The following N4BP1 variants were observed in gnomAD, a reference collection of about 807,000 sequenced individuals.
N4BP1 encodes the protein NEDD4-binding protein 1.
N4BP1 carries 21 observed loss-of-function variants against 70.9 expected under a neutral mutation model. The ratio of observed to expected loss-of-function variants is 0.30; its 90% confidence interval spans 0.21 to 0.43. The LOEUF (loss-of-function observed/expected upper bound fraction) is 0.43. Ranked by LOEUF, N4BP1 falls within the 20% of genes least tolerant of loss-of-function variation. The pLI, the probability that N4BP1 is intolerant of heterozygous loss-of-function variation, is 1.00. For missense variants in N4BP1, 936 were observed against 1,069.4 expected, an observed-to-expected ratio of 0.88 and a Z score of 1.74; for synonymous variants, 387 against 394.6, an observed-to-expected ratio of 0.98 and a Z score of 0.23.
At chr16:48,554,316 A>ACT (rs895562078) in intron 2 of N4BP1, among the ~76,000 whole-genome samples, 41 of 152,348 alleles carry the variant, frequency 2.7e-4, no homozygotes, top group African/African-American at 9.4e-4. Context: ...AGCCACAGAT[A>ACT]ACTGTAAGTG....
intron 1 of N4BP1, among the ~76,000 whole-genome samples, chr16:48,570,471 T>A (rs1964000539): frequency 6.6e-6 from 1 of 152,096 alleles, no homozygotes; most frequent in African/African-American, 2.4e-5. Context: ...CACAGCCTCC[T>A]GGGTAGCTGG....
chr16:48,542,281 C>T lies in N4BP1; in HGVS notation c.*623G>A, dbSNP rs55950580. 1 of 152,630 alleles carries T rather than the reference C, an allele frequency of 6.6e-6. No individual in the cohort carries two copies. Among genetic ancestry groups the T allele is most frequent in the East Asian group, 1.9e-4 (1 of 5,192 alleles). The allele number at this position is 152,630 out of a possible 1,614,324, so 9.5% of individuals were successfully genotyped here. A position where few individuals can be genotyped will look rare whatever the true frequency, so the allele number is the denominator to read the frequency against. ...CACGATGTCTTCTAGCCCTGGTATTCTGTGAGACTAACTTCGCCCTGGTCA... is the reference window on the plus strand; with the variant it reads ...CACGATGTCTTCTAGCCCTGGTATTTTGTGAGACTAACTTCGCCCTGGTCA... On this transcript the variant is annotated 3_prime_UTR_variant, in exon 7 of 7. Transcript: ENST00000262384.
rs780805094 is a variant in N4BP1, at chr16:48,546,213, G to A, written c.2267C>T (p.Pro756Leu). 3.1e-6 allele frequency: 5 copies of A among 1,612,574 alleles called. No homozygotes were observed. In the South Asian group the frequency reaches 4.4e-5, roughly 14 times the overall value. Residue 756 changes from proline (P) to leucine (L), a missense_variant, in exon 6 of 7, where the codon CCC becomes CTC. By Grantham distance (98) the Pro-to-Leu change is moderately conservative. This residue lies in a region of N4BP1 where 229 missense variants were observed against 343.5 expected (regional missense o/e 0.67). Coordinates refer to ENST00000262384, the MANE Select transcript of N4BP1 (RefSeq NM_153029.4). ...YTFVGDIFMV[P>L]DDPLGRSGPR... ...TCCACTTCTTCCCAGAGGATCATCG[G>A]GAACCATAAATATGTCCCCCACGAA...
At chr16:48,604,899 C>T (rs1964555738) in intron 1 of N4BP1, among the ~76,000 whole-genome samples, 1 of 152,186 alleles carries the variant, frequency 6.6e-6, no homozygotes, top group African/African-American at 2.4e-5. Context: ...TGGGAAGCTG[C>T]CCTCTCCAAA....
chr16:48,604,692 T>G (rs1298238531), intron 1 of N4BP1, among the ~76,000 whole-genome samples: 2 of 152,164 alleles, frequency 1.3e-5, no homozygotes, highest in African/African-American at 4.8e-5. Flanking sequence ...CATATAACTG[T>G]TTTTTTAAAA....
intron 1 of N4BP1, among the ~76,000 whole-genome samples, chr16:48,608,983 G>C (rs1167001519): frequency 6.6e-6 from 1 of 151,334 alleles, no homozygotes; most frequent in East Asian, 1.9e-4. Context: ...GGGTGACCGA[G>C]ATGGGAGGAT....
chr16:48,546,305 G>T (rs1358248144), intron 5 of N4BP1, 51 bp from the exon 6 acceptor site: 1 of 1,341,924 alleles, frequency 7.5e-7, no homozygotes, highest in Non-Finnish European at 1.0e-6. Flanking sequence ...CACTGCCCAG[G>T]GCCTGCGTAA....
intron 2 of N4BP1, among the ~76,000 whole-genome samples, chr16:48,554,703 T>A (rs3785138): frequency 6.6e-6 from 1 of 152,026 alleles, no homozygotes; most frequent in African/African-American, 2.4e-5. Flanking sequence ...CTTCTCTCCA[T>A]GTCTAATGCT....
chr16:48,542,867 C>T lies in N4BP1; in HGVS notation c.*37G>A. 6.5e-7 allele frequency: 1 copy of T among 1,541,042 alleles called. No homozygotes were observed. Among genetic ancestry groups the T allele is most frequent in the Non-Finnish European group, 8.8e-7 (1 of 1,130,436 alleles). On this transcript the variant is annotated 3_prime_UTR_variant, in exon 7 of 7. Transcript: ENST00000262384. ...CAGGTGTGAGCTTGAGTTTGATCAG[C>T]CAGCCCTGAGCGCAAGCTCAGCGCT...
At chr16:48,545,889 T>C (rs1963584097) in intron 6 of N4BP1, among the ~76,000 whole-genome samples, 1 of 151,926 alleles carries the variant, frequency 6.6e-6, no homozygotes, top group South Asian at 2.1e-4. Context: ...GAGCTGGGCA[T>C]GGTGGTATGC....
chr16:48,603,793 A>T (rs1964536854), intron 1 of N4BP1: 2 of 151,970 alleles, frequency 1.3e-5, no homozygotes, highest in Non-Finnish European at 1.5e-5. Context: ...TGTGTACATG[A>T]CCCCCTGGGT....
intron 3 of N4BP1, among the ~76,000 whole-genome samples, chr16:48,552,699 GAAAAAAAAAAAAAAAAA>G (rs71134556): frequency 2.5e-3 from 47 of 18,496 alleles, no homozygotes; most frequent in Non-Finnish European, 4.6e-3. Context: ...CTCCGTCTCA[GAAAAAAAAAAAAAAAAA>G]AAAAAAAAAA....
chr16:48,568,684 C>T (rs148571926), intron 1 of N4BP1, among the ~76,000 whole-genome samples: 1 of 152,160 alleles, frequency 6.6e-6, no homozygotes, highest in African/African-American at 2.4e-5. Flanking sequence ...AATGGGTTAA[C>T]ATTTCTTGTC....
chr16:48,570,504 G>A (rs1012782679), intron 1 of N4BP1, among the ~76,000 whole-genome samples: 1 of 152,114 alleles, frequency 6.6e-6, no homozygotes, highest in Non-Finnish European at 1.5e-5. Context: ...GTGCCACCAT[G>A]CCCAGCTAAT....
chr16:48,544,284 C>G (rs1413613713), intron 6 of N4BP1, among the ~76,000 whole-genome samples: 2 of 152,186 alleles, frequency 1.3e-5, no homozygotes, highest in Non-Finnish European at 2.9e-5. Flanking sequence ...TAGTGGTCTC[C>G]TAGGTAGAAG....
intron 1 of N4BP1, among the ~76,000 whole-genome samples, chr16:48,580,804 A>G (rs150313737): frequency 6.6e-6 from 1 of 152,294 alleles, no homozygotes; most frequent in East Asian, 1.9e-4. Context: ...TTTTCCTGTC[A>G]TTATTCCCTA....
At chr16:48,602,039 A>T (rs1485801224) in intron 1 of N4BP1, among the ~76,000 whole-genome samples, 1 of 152,222 alleles carries the variant, frequency 6.6e-6, no homozygotes, top group Non-Finnish European at 1.5e-5. Flanking sequence ...CCCGGCCAAC[A>T]TGGTGAAACC....
chr16:48,577,196 C>G (rs1224140757), intron 1 of N4BP1, among the ~76,000 whole-genome samples: 2 of 152,266 alleles, frequency 1.3e-5, no homozygotes, highest in Admixed American at 6.5e-5. Context: ...CCCAAAGTCT[C>G]CTCCTTTGTA....
intron 3 of N4BP1, among the ~76,000 whole-genome samples, chr16:48,553,167 G>A (rs1963700956): frequency 6.6e-6 from 1 of 152,292 alleles, no homozygotes. Context: ...GCCTTAAATA[G>A]ACTGTTAAAA....
Sources: allele counts gnomAD v4.1 joint callset (sites outside exome capture counted in the v4.1 genomes callset), GRCh38; gene constraint gnomAD v4.1.1; regional missense constraint gnomAD v4.1.1; transcripts MANE v1.5; gene names NCBI Gene and HGNC (gene_info 2026-07-23, HGNC 2026-07-21).